CTNNA3: variants seen among roughly 807,000 people sequenced by gnomAD.
The protein encoded by CTNNA3 is catenin alpha-3.
Under a neutral mutation model 95.7 loss-of-function variants are expected in CTNNA3, and 76 were observed. The observed-to-expected ratio is 0.79, with a 90% confidence interval of 0.66 to 0.96. CTNNA3 has a LOEUF of 0.96. CTNNA3 is among the 40% of genes least tolerant of loss of function. The pLI is 0.00. For missense variants in CTNNA3, 1,191 were observed against 1,089.8 expected, an observed-to-expected ratio of 1.09 and a Z score of -1.31; for synonymous variants, 431 against 374.4, an observed-to-expected ratio of 1.15 and a Z score of -1.74.
At chr10:67,179,722 G>A (rs1468037852) in intron 7 of CTNNA3, among the ~76,000 whole-genome samples, 3 of 152,028 alleles carry the variant, frequency 2.0e-5, no homozygotes. Context: ...AGCTACTTGG[G>A]AGGCTGAGGT....
intron 11 of CTNNA3, among the ~76,000 whole-genome samples, chr10:66,512,981 A>G (rs1840714651): frequency 6.6e-6 from 1 of 152,080 alleles, no homozygotes; most frequent in Non-Finnish European, 1.5e-5. Context: ...TGTGCCTCAT[A>G]GAAGACCTTT....
At position 67,607,018 on chromosome 10, in the gene CTNNA3, G is replaced by C; in HGVS notation, c.131C>G (p.Pro44Arg). 6.2e-7 allele frequency: 1 copy of C among 1,613,720 alleles called. No individual in the cohort carries two copies. The highest frequency in any genetic ancestry group is 8.5e-7 in the Non-Finnish European group (1 of 1,179,920). ...CGAACGTCCTTTTTTCCTGCTGGAA[G>C]GGTTCTGGGGACAGTTTACAAGTGT... ...VTTLVNCPQN[P>R]SSRKKGRSKR... Residue 44 changes from proline (P) to arginine (R), a missense_variant, in exon 3 of 18, where the codon CCT becomes CGT. Physicochemically the swap from Pro to Arg is moderately radical, Grantham distance 103. Coordinates refer to ENST00000433211, the MANE Select transcript of CTNNA3 (RefSeq NM_013266.4).
At chr10:66,000,058 C>T (rs2078740428) in intron 15 of CTNNA3, among the ~76,000 whole-genome samples, 2 of 151,942 alleles carry the variant, frequency 1.3e-5, no homozygotes, top group South Asian at 4.1e-4. Context: ...TAAATATATA[C>T]ATTTTGTCAA....
chr10:66,061,438 C>A (rs183062535), intron 15 of CTNNA3, among the ~76,000 whole-genome samples: 3 of 152,158 alleles, frequency 2.0e-5, no homozygotes, highest in Admixed American at 2.0e-4. Context: ...AATTATGAGT[C>A]TCCAACTGTG....
At position 66,115,596 on chromosome 10, in the gene CTNNA3, T is replaced by A. The variant is rs1589445835; in HGVS notation, c.1885-12347A>T. Among the ~76,000 whole-genome samples the A allele has an allele frequency of 2.2e-5, 3 of 135,408 alleles. No individual in the cohort carries two copies. The South Asian group carries it at 6.5e-4, about 29-fold the overall frequency. 88.8% of individuals were successfully genotyped at this position (135,408 alleles called of 152,430 possible). A position where few individuals can be genotyped will look rare whatever the true frequency, so the allele number is the denominator to read the frequency against. On this transcript the variant is annotated intron_variant, in intron 13 of 17. Transcript: ENST00000433211. ...CAGATAGATGATAGATAGATAGAGA[T>A]AGAGATAGAGATAGAGATAGAGATA...
At chr10:66,469,856 T>A (rs1839062667) in intron 11 of CTNNA3, among the ~76,000 whole-genome samples, 1 of 151,824 alleles carries the variant, frequency 6.6e-6, no homozygotes, top group Admixed American at 6.6e-5. Flanking sequence ...TGGAGGCAGA[T>A]ACGAGACTTA....
intron 9 of CTNNA3, among the ~76,000 whole-genome samples, chr10:66,736,793 TGTGGTC>T (rs1421442654): frequency 6.6e-6 from 1 of 152,156 alleles, no homozygotes; most frequent in Non-Finnish European, 1.5e-5. Context: ...TTCAGAGAGA[TGTGGTC>T]TTACAATTTT....
intron 7 of CTNNA3, among the ~76,000 whole-genome samples, chr10:66,999,366 T>G (rs1365348822): frequency 1.3e-5 from 2 of 152,064 alleles, no homozygotes; most frequent in Admixed American, 1.3e-4. Flanking sequence ...AAGAAAAAAC[T>G]TGGGATTCCT....
At chr10:67,037,176 A>C (rs1854111619) in intron 7 of CTNNA3, among the ~76,000 whole-genome samples, 1 of 152,208 alleles carries the variant, frequency 6.6e-6, no homozygotes, top group Admixed American at 6.5e-5. Context: ...ACACATCTCA[A>C]CTAATAGTAA....
chr10:66,185,232 C>T (rs906486387), intron 13 of CTNNA3, among the ~76,000 whole-genome samples: 1 of 152,070 alleles, frequency 6.6e-6, no homozygotes, highest in Non-Finnish European at 1.5e-5. Context: ...AAAAACATCA[C>T]TTTTGAATAA....
chr10:66,607,589 C>T (rs1844175772), intron 10 of CTNNA3, among the ~76,000 whole-genome samples: 1 of 151,104 alleles, frequency 6.6e-6, no homozygotes, highest in South Asian at 2.1e-4. Context: ...TCCAGCAGCA[C>T]ATCAAAAAGC....
At chr10:67,365,840 T>C (rs771939406) in intron 5 of CTNNA3, among the ~76,000 whole-genome samples, 10 of 152,164 alleles carry the variant, frequency 6.6e-5, no homozygotes, top group Non-Finnish European at 1.2e-4. Flanking sequence ...GACCTAGAAC[T>C]AGAAATACCA....
At chr10:67,440,776 G>A (rs1159281490) in intron 5 of CTNNA3, among the ~76,000 whole-genome samples, 1 of 151,644 alleles carries the variant, frequency 6.6e-6, no homozygotes, top group Non-Finnish European at 1.5e-5. Flanking sequence ...CAGCATTATT[G>A]GGCCTGGGGC....
At chr10:67,171,349 C>T (rs1862010163) in intron 7 of CTNNA3, among the ~76,000 whole-genome samples, 2 of 152,006 alleles carry the variant, frequency 1.3e-5, no homozygotes, top group South Asian at 2.1e-4. Flanking sequence ...CTGAGACAGG[C>T]GGTTCACCTG....
At chr10:66,375,554 T>C (rs564954186) in intron 12 of CTNNA3, among the ~76,000 whole-genome samples, 1 of 149,438 alleles carries the variant, frequency 6.7e-6, no homozygotes, top group East Asian at 2.0e-4. Context: ...TTAGTTTTTA[T>C]AAATATTTAA....
At chr10:67,537,761 C>A (rs2133198485) in intron 4 of CTNNA3, among the ~76,000 whole-genome samples, 1 of 152,200 alleles carries the variant, frequency 6.6e-6, no homozygotes, top group East Asian at 1.9e-4. Flanking sequence ...ATCTTTTGTA[C>A]CCATTTCTTG....
intron 7 of CTNNA3, among the ~76,000 whole-genome samples, chr10:67,102,812 G>A (rs1188972700): frequency 6.6e-6 from 1 of 151,656 alleles, no homozygotes; most frequent in African/African-American, 2.4e-5. Flanking sequence ...TGGTTTAAAG[G>A]TTCTGCAAGA....
At chr10:66,953,405 AAGG>A (rs1182212481) in intron 7 of CTNNA3, among the ~76,000 whole-genome samples, 4 of 152,302 alleles carry the variant, frequency 2.6e-5, no homozygotes, top group Admixed American at 2.6e-4. Context: ...TACATGAATC[AAGG>A]AGGTTTATTT....
chr10:66,471,457 C>T (rs9943337), intron 11 of CTNNA3, among the ~76,000 whole-genome samples: 9,391 of 151,744 alleles, frequency 0.062, 605 homozygotes, highest in African/African-American at 0.16. Flanking sequence ...TTTAGCACAG[C>T]TAAAATATTG....
Sources: gnomAD v4.1 joint callset for allele counts (sites outside exome capture counted in the v4.1 genomes callset) on GRCh38, gnomAD v4.1.1 for gene constraint, MANE v1.5 for transcripts, NCBI Gene and HGNC (gene_info 2026-07-23, HGNC 2026-07-21) for gene names.